EFCAB14: variants seen among roughly 807,000 people sequenced by gnomAD.
EFCAB14 encodes EF-hand calcium binding domain 14.
A neutral mutation model predicts 56.5 loss-of-function variants in EFCAB14; 43 were observed. The observed-to-expected ratio is 0.76, with a 90% CI of 0.60 to 0.98. EFCAB14 has a LOEUF of 0.98. Among genes scored for constraint, EFCAB14 ranks in the 50% least tolerant of loss-of-function variants. The pLI, the probability that EFCAB14 is intolerant of heterozygous loss-of-function variation, is 0.00. For synonymous variants in EFCAB14, 235 were observed against 212.9 expected (o/e 1.10, Z -0.90); for missense variants, 538 against 580.3 (o/e 0.93, Z 0.75).
At chr1:46,709,509 C>T (rs939421431) in intron 2 of EFCAB14, among the ~76,000 whole-genome samples, 7 of 152,296 alleles carry the variant, frequency 4.6e-5, no homozygotes, top group East Asian at 3.9e-4. Flanking sequence ...CTTTACTCAT[C>T]GGTCTCCTCT....
In EFCAB14 at chr1:46,716,037, C is replaced by T. The variant is rs1677383242; in HGVS notation, c.334+258G>A. Among the ~76,000 whole-genome samples, 3 of 151,624 alleles carry T rather than the reference C, an allele frequency of 2.0e-5. No individual in the cohort carries two copies. The South Asian group carries it at 6.3e-4, about 32-fold the overall frequency. The stretch of plus-strand genomic sequence containing the variant: ...CCGAGGTAGGTGGACCACCTGAGGT[C>T]AGTAGTTTGAGACCAGCCTGGCCAA... On this transcript the variant is annotated intron_variant, in intron 2 of 10. Transcript: ENST00000371933.
intron 2 of EFCAB14, among the ~76,000 whole-genome samples, chr1:46,712,398 G>A (rs1035628999): frequency 2.0e-5 from 3 of 151,750 alleles, no homozygotes; most frequent in African/African-American, 4.8e-5. Flanking sequence ...GTTTTTTGAA[G>A]TATCTGGTTT....
At chr1:46,711,709 T>C (rs1677310461) in intron 2 of EFCAB14, among the ~76,000 whole-genome samples, 1 of 152,202 alleles carries the variant, frequency 6.6e-6, no homozygotes, top group Non-Finnish European at 1.5e-5. Flanking sequence ...GTTCTTTTGA[T>C]TTCCTAATCT....
chr1:46,693,081 A>G (rs968044408), intron 4 of EFCAB14, among the ~76,000 whole-genome samples: 1 of 152,002 alleles, frequency 6.6e-6, no homozygotes, highest in Non-Finnish European at 1.5e-5. Flanking sequence ...TGCAGAGATG[A>G]AAAAAAAGTA....
intron 4 of EFCAB14, among the ~76,000 whole-genome samples, chr1:46,693,651 T>C (rs779999802): frequency 2.6e-5 from 4 of 152,158 alleles, no homozygotes; most frequent in East Asian, 3.8e-4. Context: ...TATGAACCCA[T>C]TGGGATGCCA....
intron 2 of EFCAB14, among the ~76,000 whole-genome samples, chr1:46,715,084 G>A (rs940474968): frequency 2.6e-5 from 4 of 152,128 alleles, no homozygotes; most frequent in African/African-American, 7.2e-5. Flanking sequence ...GAAAGAGATC[G>A]TGTTACTAGT....
chr1:46,715,660 C>A (rs553753818), intron 2 of EFCAB14, among the ~76,000 whole-genome samples: 1 of 152,036 alleles, frequency 6.6e-6, no homozygotes, highest in South Asian at 2.1e-4. Context: ...AGAGGTTACA[C>A]CAAGTTCTAG....
intron 10 of EFCAB14, among the ~76,000 whole-genome samples, chr1:46,679,099 A>C (rs1676745212): frequency 6.6e-6 from 1 of 152,238 alleles, no homozygotes; most frequent in African/African-American, 2.4e-5. Flanking sequence ...GTTATGTGAT[A>C]GGAGCTAGCT....
intron 2 of EFCAB14, among the ~76,000 whole-genome samples, chr1:46,712,487 GA>G (rs147053324): frequency 5.1e-5 from 7 of 138,336 alleles, no homozygotes; most frequent in East Asian, 2.1e-4. Context: ...TCTTTGACGA[GA>G]AAAAAAAAAG....
intron 4 of EFCAB14, among the ~76,000 whole-genome samples, chr1:46,695,387 T>A (rs576055926): frequency 6.6e-6 from 1 of 152,184 alleles, no homozygotes; most frequent in East Asian, 1.9e-4. Flanking sequence ...CCCGAATTTG[T>A]AAGTAGATGG....
At chr1:46,699,787 G>A (rs1414665326) in intron 3 of EFCAB14, among the ~76,000 whole-genome samples, 1 of 152,196 alleles carries the variant, frequency 6.6e-6, no homozygotes, top group African/African-American at 2.4e-5. Context: ...TCCCTAGAGT[G>A]TAGCCTGACA....
chr1:46,713,408 C>T (rs992896745), intron 2 of EFCAB14, among the ~76,000 whole-genome samples: 8 of 152,172 alleles, frequency 5.3e-5, no homozygotes, highest in Non-Finnish European at 1.0e-4. Context: ...TAATTCTTGA[C>T]ATCTCCTGAA....
In EFCAB14 at chr1:46,708,054, A is replaced by G. The variant is rs376132756; in HGVS notation, c.335-3T>C. The G allele has an allele frequency of 1.2e-6, 2 of 1,609,756 alleles. No individual in the cohort carries two copies. Among genetic ancestry groups the G allele is most frequent in the African/African-American group, 2.7e-5 (2 of 74,772 alleles). On this transcript the variant is annotated splice_region_variant and splice_polypyrimidine_tract_variant and intron_variant, in intron 2 of 10. Coordinates refer to ENST00000371933, the MANE Select transcript of EFCAB14 (RefSeq NM_014774.3). ...TGAGCTTTTCTGATTAGATTCCACT[A>G]AAAAGACAAAATAAGAACAATCATA... is the stretch of plus-strand genomic sequence containing the variant.
At chr1:46,697,554 G>C (rs1039827526) in intron 3 of EFCAB14, among the ~76,000 whole-genome samples, 1 of 152,180 alleles carries the variant, frequency 6.6e-6, no homozygotes, top group Non-Finnish European at 1.5e-5. Flanking sequence ...ATTATATTCA[G>C]AGTGGCCTCA....
chr1:46,717,022 G>A (rs1397648283), intron 1 of EFCAB14, among the ~76,000 whole-genome samples: 1 of 152,166 alleles, frequency 6.6e-6, no homozygotes, highest in Non-Finnish European at 1.5e-5. Context: ...AACCTTCAAG[G>A]TCTAAACTAA....
At chr1:46,701,756 C>T (rs1481821182) in intron 3 of EFCAB14, among the ~76,000 whole-genome samples, 3 of 152,226 alleles carry the variant, frequency 2.0e-5, no homozygotes, top group Non-Finnish European at 4.4e-5. Context: ...CTCTGGAGAG[C>T]TGACCATTAA....
intron 3 of EFCAB14, among the ~76,000 whole-genome samples, chr1:46,703,055 T>C (rs927908065): frequency 3.3e-5 from 5 of 152,188 alleles, no homozygotes; most frequent in African/African-American, 7.2e-5. Context: ...TTAGTGAATA[T>C]TGAACAACTG....
At chr1:46,709,521 C>T (rs1309831548) in intron 2 of EFCAB14, among the ~76,000 whole-genome samples, 1 of 152,170 alleles carries the variant, frequency 6.6e-6, no homozygotes, top group African/African-American at 2.4e-5. Context: ...GTCTCCTCTA[C>T]CAAATGGTGA....
At chr1:46,692,048 T>C (rs998554655) in intron 4 of EFCAB14, 111 bp from the exon 5 acceptor site, 3 of 730,120 alleles carry the variant, frequency 4.1e-6, no homozygotes, top group African/African-American at 3.6e-5. Flanking sequence ...ACATAAACAA[T>C]TGTGAAACCA....
Sources: gnomAD v4.1 joint callset for allele counts (sites outside exome capture counted in the v4.1 genomes callset) on GRCh38, gnomAD v4.1.1 for gene constraint, MANE v1.5 for transcripts, NCBI Gene and HGNC (gene_info 2026-07-23, HGNC 2026-07-21) for gene names.